Variants in CCDC171 observed in about 807,000 individuals in gnomAD.
CCDC171 encodes coiled-coil domain containing 171.
CCDC171 carries 177 observed loss-of-function variants against 168.2 expected under a neutral mutation model. The observed-to-expected ratio is 1.05, with a 90% confidence interval of 0.93 to 1.19. The LOEUF (loss-of-function observed/expected upper bound fraction) is 1.19. Among genes scored for constraint, CCDC171 ranks in the 50% most tolerant of loss-of-function variants. CCDC171 has a pLI of 0.00. For synonymous variants in CCDC171, 687 were observed against 540.8 expected (o/e 1.27, Z -3.75); for missense variants, 1,991 against 1,539.0 (o/e 1.29, Z -4.91).
Position 15,778,968 on chromosome 9 carries a change from A to T in CCDC171, c.2899A>T (p.Lys967Ter). The change falls in exon 20 of 26, where the codon AAA becomes TAA. Residue 967 changes from lysine to a stop codon, truncating the protein, a stop_gained and splice_region_variant. Coordinates refer to ENST00000380701, the MANE Select transcript of CCDC171 (RefSeq NM_173550.4). LOFTEE classifies it high-confidence loss of function. Reference protein sequence around the residue: ...YGLRGHVPITKSTASLQKQIL... With the variant: ...YGLRGHVPIT ...TAAAATTGCTCTTGTTTAACAACAG[A>T]AAAGCACAGCATCGTTGCAGAAGCA... 1 of 1,501,262 alleles carries T rather than the reference A, an allele frequency of 6.7e-7. No individual in the cohort carries two copies. Among genetic ancestry groups the T allele is most frequent in the Non-Finnish European group, 8.9e-7 (1 of 1,124,982 alleles). 93.0% of individuals were successfully genotyped at this position (1,501,262 alleles called of 1,614,324 possible).
chr9:15,709,351 A>G (rs1467677063), intron 11 of CCDC171, among the ~76,000 whole-genome samples: 1 of 152,202 alleles, frequency 6.6e-6, no homozygotes, highest in Non-Finnish European at 1.5e-5. Flanking sequence ...GTCTACAATT[A>G]ACATTTTAGA....
At chr9:16,026,579 A>C (rs796996971) in intron 6 of CCDC171, among the ~76,000 whole-genome samples, 9 of 152,282 alleles carry the variant, frequency 5.9e-5, no homozygotes, top group African/African-American at 1.9e-4. Flanking sequence ...AATTTTGCTC[A>C]TCAGTTGATA....
intron 10 of CCDC171, among the ~76,000 whole-genome samples, chr9:15,692,006 T>G (rs576817530): frequency 9.8e-5 from 15 of 152,286 alleles, no homozygotes; most frequent in African/African-American, 3.6e-4. Flanking sequence ...GCTTTGCTAA[T>G]TTCCAGAAGT....
At chr9:15,580,082 T>G (rs2040991456) in intron 4 of CCDC171, among the ~76,000 whole-genome samples, 1 of 152,178 alleles carries the variant, frequency 6.6e-6, no homozygotes, top group Non-Finnish European at 1.5e-5. Flanking sequence ...TACAGCCAAC[T>G]GATCTTTGAC....
At chr9:15,924,440 C>CAA (rs34003715) in intron 25 of CCDC171, among the ~76,000 whole-genome samples, 69,105 of 140,182 alleles carry the variant, frequency 0.49, 16,753 homozygotes, top group African/African-American at 0.6. Flanking sequence ...CACACTTAGT[C>CAA]AAAAAAAAAA....
chr9:15,589,745 A>G (rs1587196229), intron 4 of CCDC171, among the ~76,000 whole-genome samples: 1 of 152,358 alleles, frequency 6.6e-6, no homozygotes, highest in Admixed American at 6.5e-5. Context: ...CAGAAATGAA[A>G]AATGTCCCTA....
At chr9:15,606,193 G>A (rs1025136068) in intron 6 of CCDC171, among the ~76,000 whole-genome samples, 1 of 152,122 alleles carries the variant, frequency 6.6e-6, no homozygotes, top group African/African-American at 2.4e-5. Flanking sequence ...TTGACTCAGG[G>A]TAACTGAAAG....
chr9:16,084,620 G>A, the CCDC171 span, among the ~76,000 whole-genome samples: 2 of 152,132 alleles, frequency 1.3e-5, no homozygotes, highest in Admixed American at 6.5e-5. Context: ...TTGCCATGGC[G>A]CCTCCTCAAA....
chr9:15,922,450 G>C (rs190606631), intron 25 of CCDC171, among the ~76,000 whole-genome samples: 1 of 151,624 alleles, frequency 6.6e-6, no homozygotes, highest in Admixed American at 6.6e-5. Context: ...GTGGGTAAGA[G>C]CATGGGCTTT....
chr9:15,986,598 G>T (rs912253819), intron 3 of CCDC171, among the ~76,000 whole-genome samples: 1 of 152,166 alleles, frequency 6.6e-6, no homozygotes, highest in Non-Finnish European at 1.5e-5. Flanking sequence ...CAAAACCCCA[G>T]ATTGCCCTAG....
At chr9:15,719,223 T>C (rs1016103282) in intron 11 of CCDC171, among the ~76,000 whole-genome samples, 1 of 151,830 alleles carries the variant, frequency 6.6e-6, no homozygotes, top group Non-Finnish European at 1.5e-5. Context: ...AACAGTAGAA[T>C]TGATTAAGCA....
intron 6 of CCDC171, among the ~76,000 whole-genome samples, chr9:16,026,437 CAG>C (rs1359842552): frequency 6.6e-6 from 1 of 152,182 alleles, no homozygotes; most frequent in African/African-American, 2.4e-5. Flanking sequence ...GGAATCCAGT[CAG>C]TGTGTTTTCA....
intron 21 of CCDC171, among the ~76,000 whole-genome samples, chr9:15,795,977 C>T (rs890842776): frequency 2.6e-5 from 4 of 152,170 alleles, no homozygotes; most frequent in Admixed American, 6.5e-5. Context: ...TCAAAGAATA[C>T]AGTCAAGACT....
At chr9:15,905,199 C>G (rs1313246296) in intron 24 of CCDC171, among the ~76,000 whole-genome samples, 2 of 148,044 alleles carry the variant, frequency 1.4e-5, no homozygotes, top group Non-Finnish European at 1.5e-5. Context: ...AACTCTCCAC[C>G]CCAAATCAAC....
chr9:15,673,895 G>T lies in CCDC171; in HGVS notation c.1077-4863G>T, dbSNP rs10810424. Among the ~76,000 whole-genome samples the T allele has an allele frequency of 2.0e-5, 3 of 151,870 alleles. No homozygotes were observed. The East Asian group carries it at 5.8e-4, about 29-fold the overall frequency. ...GTTAAGGAGGATTCCCTCTTTTTCT[G>T]TTGATTGAAATAGTTTCAGAATGAA... is the stretch of plus-strand genomic sequence containing the variant. On this transcript the variant is annotated intron_variant, in intron 9 of 25. Transcript: ENST00000380701.
intron 1 of CCDC171, among the ~76,000 whole-genome samples, chr9:16,043,130 G>C (rs1405029152): frequency 1.3e-5 from 2 of 152,188 alleles, no homozygotes; most frequent in Admixed American, 6.5e-5. Context: ...GCTGAAGCCA[G>C]AGAGGTTGGG....
intron 3 of CCDC171, among the ~76,000 whole-genome samples, chr9:15,994,916 A>G (rs1388147954): frequency 1.3e-5 from 2 of 152,232 alleles, no homozygotes; most frequent in East Asian, 1.9e-4. Context: ...GTCAGACATA[A>G]TTTTTCTCCT....
the CCDC171 span, among the ~76,000 whole-genome samples, chr9:16,106,995 C>T: frequency 7.9e-5 from 12 of 152,150 alleles, no homozygotes; most frequent in Non-Finnish European, 1.3e-4. Context: ...ACTGTCTTGG[C>T]TCAGTGTTTG....
chr9:15,871,496 T>C (rs950536982), intron 23 of CCDC171, among the ~76,000 whole-genome samples: 2 of 151,904 alleles, frequency 1.3e-5, no homozygotes, highest in South Asian at 2.1e-4. Context: ...ATAATTTGAC[T>C]ATTCTAATAT....
Sources: gnomAD v4.1 joint callset for allele counts (sites outside exome capture counted in the v4.1 genomes callset) on GRCh38, gnomAD v4.1.1 for gene constraint, MANE v1.5 for transcripts, NCBI Gene and HGNC (gene_info 2026-07-23, HGNC 2026-07-21) for gene names.